The following EML5 variants were observed in gnomAD, a reference collection of about 807,000 sequenced individuals.
EML5 encodes the protein EMAP like 5, also known as echinoderm microtubule-associated protein-like 5.
EML5 carries 120 observed loss-of-function variants against 250.0 expected under a neutral mutation model. The ratio of observed to expected loss-of-function variants is 0.48; its 90% CI spans 0.41 to 0.56. EML5 has a LOEUF of 0.56. Among genes scored for constraint, EML5 ranks in the 20% least tolerant of loss-of-function variants. The pLI is 0.00. For missense variants in EML5, 2,006 were observed against 2,437.6 expected (o/e 0.82, Z 3.73); for synonymous variants, 771 against 806.5 (o/e 0.96, Z 0.75).
chr14:88,616,363 C>A, intron 42 of EML5, 121 bp from the exon 43 acceptor site: 1 of 949,084 alleles, frequency 1.1e-6, no homozygotes, highest in South Asian at 1.5e-5. Context: ...AGCACCGCAG[C>A]CAGTGATTAG....
chr14:88,663,217 T>A, intron 23 of EML5, 98 bp from the exon 24 acceptor site: 2 of 786,282 alleles, frequency 2.5e-6, no homozygotes, highest in Non-Finnish European at 3.7e-6. Flanking sequence ...AAAATCAGCT[T>A]AAATATAAAA....
chr14:88,638,691 T>C, intron 32 of EML5, 118 bp downstream of exon 32: 2 of 841,848 alleles, frequency 2.4e-6, no homozygotes, highest in South Asian at 1.6e-5. Flanking sequence ...GCTTTATGTA[T>C]ACATAGATTT....
At chr14:88,735,010 A>AT (rs2093817446) in intron 7 of EML5, among the ~76,000 whole-genome samples, 1 of 152,196 alleles carries the variant, frequency 6.6e-6, no homozygotes, top group African/African-American at 2.4e-5. Flanking sequence ...ACACTGTGTG[A>AT]TAACAGTATT....
At chr14:88,740,208 C>T (rs998943653) in intron 5 of EML5, among the ~76,000 whole-genome samples, 179 bp downstream of exon 5, 1 of 151,982 alleles carries the variant, frequency 6.6e-6, no homozygotes, top group Admixed American at 6.6e-5. Flanking sequence ...TAATAAATAT[C>T]AATGAGTCTA....
At chr14:88,752,405 C>A (rs893051217) in intron 2 of EML5, among the ~76,000 whole-genome samples, 1 of 151,878 alleles carries the variant, frequency 6.6e-6, no homozygotes, top group Non-Finnish European at 1.5e-5. Context: ...GGTATTATTT[C>A]CTTTAAAGAA....
rs143197885 is a variant in EML5 at position 88,707,549 on chromosome 14, C to T, written c.1658-1123G>A. On this transcript the variant is annotated intron_variant, in intron 10 of 43. Coordinates refer to ENST00000554922, the MANE Select transcript of EML5 (RefSeq NM_183387.3). ...AGCTTCCTTTTGATATTGTTTTAAACACTTTATATTAAGTTATAGAAGACT... is the reference window on the plus strand; with the variant it reads ...AGCTTCCTTTTGATATTGTTTTAAATACTTTATATTAAGTTATAGAAGACT... 6.0e-4 allele frequency among the ~76,000 whole-genome samples: 92 copies of T among 152,140 alleles called. 1 individual carries two copies. The East Asian group carries it at 0.016, about 26-fold the overall frequency.
At chr14:88,616,330 A>C in intron 42 of EML5, 88 bp from the exon 43 acceptor site, 1 of 1,278,778 alleles carries the variant, frequency 7.8e-7, no homozygotes, top group South Asian at 1.2e-5. Flanking sequence ...CTATGACAAG[A>C]GCTGTGGAGA....
chr14:88,674,366 G>A (rs1428234841), intron 21 of EML5, among the ~76,000 whole-genome samples: 2 of 152,286 alleles, frequency 1.3e-5, no homozygotes, highest in Middle Eastern at 3.4e-3. Flanking sequence ...TTCTGAGGAG[G>A]CCTCATGAAA....
At chr14:88,729,775 G>C (rs1057316178) in intron 7 of EML5, among the ~76,000 whole-genome samples, 1 of 151,762 alleles carries the variant, frequency 6.6e-6, no homozygotes, top group Non-Finnish European at 1.5e-5. Flanking sequence ...TGGCCAGGCT[G>C]GTCTTGAACT....
chr14:88,705,002 A>T, intron 12 of EML5, 24 bp from the exon 13 acceptor site: 1 of 1,509,752 alleles, frequency 6.6e-7, no homozygotes, highest in South Asian at 1.1e-5. Context: ...TACAAGTAGA[A>T]ATATTCTTAG....
At chr14:88,659,898 T>C (rs1253917334) in intron 25 of EML5, among the ~76,000 whole-genome samples, 4 of 152,304 alleles carry the variant, frequency 2.6e-5, no homozygotes, top group Middle Eastern at 3.4e-3. Context: ...AATACCACAA[T>C]ATCATTTCAG....
rs1414638071 is a variant in EML5 at position 88,627,046 on chromosome 14, C to T, written c.4532G>A (p.Gly1511Asp). 6.2e-7 allele frequency: 1 copy of T among 1,613,614 alleles called. No homozygotes were observed. ...ACCAGCTCTGCTGGCAATTTTGGCA[C>T]CTGACAAGATACAACAAAATTATCT... ...HTITIWRWQE[G>D]AKIASRAGHN... The change falls in exon 35 of 44, where the codon GGT becomes GAT. Residue 1511 changes from glycine to aspartate, a missense_variant and splice_region_variant. Coordinates refer to ENST00000554922, the MANE Select transcript of EML5 (RefSeq NM_183387.3).
At chr14:88,752,171 A>T (rs1170642423) in intron 2 of EML5, among the ~76,000 whole-genome samples, 1 of 152,212 alleles carries the variant, frequency 6.6e-6, no homozygotes. Flanking sequence ...TTCAACTAGT[A>T]AAAGCTATGG....
In EML5 at chr14:88,620,917, T is replaced by G. The variant is rs552481449; in HGVS notation, c.5212A>C (p.Asn1738His). Residue 1738 changes from asparagine (N) to histidine (H), a missense_variant, in exon 39 of 44, where the codon AAC (asparagine) becomes CAC (histidine). This residue lies in a region of EML5 where 405 missense variants were observed against 523.3 expected (regional missense o/e 0.77). Coordinates refer to ENST00000554922, the MANE Select transcript of EML5 (RefSeq NM_183387.3). The surrounding 1 kb of genome is among the most constrained non-coding windows in gnomAD (Gnocchi z 4.3). ...LWDIADKKML[N>H]KVNLGHAART... ...GCAGCATGTCCCAAATTCACTTTGT[T>G]TAACATCTTCTGCATTTAAAAAAAA... The G allele has an allele frequency of 1.4e-5, 21 of 1,503,660 alleles. No individual in the cohort carries two copies. The Admixed American group carries it at 2.5e-4, about 18-fold the overall frequency. The allele number at this position is 1,503,660 out of a possible 1,614,324, so 93.1% of individuals were successfully genotyped here. A position where few individuals can be genotyped will look rare whatever the true frequency, so the allele number is the denominator to read the frequency against.
At chr14:88,741,199 C>T (rs1022482672) in intron 4 of EML5, among the ~76,000 whole-genome samples, 10 of 151,470 alleles carry the variant, frequency 6.6e-5, no homozygotes, top group African/African-American at 2.2e-4. Context: ...AGTTGGGAAT[C>T]GGTTAGCAAT....
chr14:88,709,405 A>G (rs1268557515), intron 10 of EML5, among the ~76,000 whole-genome samples: 4 of 149,392 alleles, frequency 2.7e-5, no homozygotes, highest in Non-Finnish European at 5.9e-5. Flanking sequence ...TTAAAGATCA[A>G]TAAAAGAAAT....
At chr14:88,719,867 T>A (rs770317348) in intron 8 of EML5, among the ~76,000 whole-genome samples, 11 of 151,104 alleles carry the variant, frequency 7.3e-5, no homozygotes, top group Admixed American at 1.3e-4. Context: ...TTTGAAAAAA[T>A]TAATAAAATA....
At chr14:88,727,612 G>T (rs1595689766) in intron 7 of EML5, among the ~76,000 whole-genome samples, 1 of 152,020 alleles carries the variant, frequency 6.6e-6, no homozygotes, top group African/African-American at 2.4e-5. Flanking sequence ...TGGTCAGGCT[G>T]GTCTCAAACT....
intron 21 of EML5, among the ~76,000 whole-genome samples, 159 bp downstream of exon 21, chr14:88,681,731 T>TA (rs1247746914): frequency 6.6e-6 from 1 of 152,236 alleles, no homozygotes; most frequent in Non-Finnish European, 1.5e-5. Flanking sequence ...TGAGTACAAT[T>TA]ACGTTTCTCT....
Sources: gnomAD v4.1 joint callset for allele counts (sites outside exome capture counted in the v4.1 genomes callset) on GRCh38, gnomAD v4.1.1 for gene constraint, gnomAD v4.1.1 regional missense constraint, Gnocchi (gnomAD v3.1) non-coding constraint, MANE v1.5 for transcripts, NCBI Gene and HGNC (gene_info 2026-07-23, HGNC 2026-07-21) for gene names.